The following FTCD variants were observed in gnomAD, a reference collection of about 807,000 sequenced individuals.
The protein encoded by FTCD is formimidoyltransferase-cyclodeaminase.
FTCD carries 76 observed loss-of-function variants against 62.9 expected under a neutral mutation model. The observed-to-expected ratio is 1.21, with a 90% CI of 1.00 to 1.46. The LOEUF (loss-of-function observed/expected upper bound fraction) is 1.46. FTCD is among the 40% of genes most tolerant of loss of function. FTCD has a pLI of 0.00. For missense variants in FTCD, 845 were observed against 751.3 expected (o/e 1.12, Z -1.46); for synonymous variants, 397 against 336.9 (o/e 1.18, Z -1.95).
rs772534306 is a variant in FTCD at position 46,154,304 on chromosome 21, G to C, written c.83C>G (p.Thr28Arg). 12 of 1,611,352 alleles carry C rather than the reference G, an allele frequency of 7.4e-6. No homozygotes were observed. The South Asian group carries it at 1.3e-4, about 18-fold the overall frequency. The change falls in exon 2 of 14, where the codon ACA (threonine) becomes AGA (arginine). Residue 28 changes from threonine to arginine, a missense_variant. Coordinates refer to ENST00000397746, the MANE Select transcript of FTCD (RefSeq NM_206965.2). ...CAGCAGCACGCAGCCCGGGGTCTGT[G>C]TGATGGCTCCAGAGATGGCGTCGAT... is the stretch of plus-strand genomic sequence containing the variant. ...EVIDAISGAITQTPGCVLLDV... is the reference protein window; with the variant it reads ...EVIDAISGAIRQTPGCVLLDV...
chr21:46,136,467 G>A (rs371642203), downstream of FTCD: 138 of 1,612,540 alleles, frequency 8.6e-5, no homozygotes, highest in Non-Finnish European at 1.0e-4. Context: ...TCCTTCCAGC[G>A]TCGAAGGTCC....
At chr21:46,138,702 A>G in intron 11 of FTCD, 56 bp from the exon 12 acceptor site, 5 of 1,550,556 alleles carry the variant, frequency 3.2e-6, no homozygotes, top group Non-Finnish European at 3.5e-6. Flanking sequence ...CAGGCAGTGG[A>G]CACACTGCAC....
intron 10 of FTCD, chr21:46,142,620 G>C (rs1208209659): frequency 6.6e-6 from 1 of 152,272 alleles, no homozygotes; most frequent in African/African-American, 2.4e-5. Flanking sequence ...AGGTAGCGAA[G>C]GCCCAAAGAG....
In FTCD at chr21:46,145,932, C is replaced by T. The variant is rs982953507; in HGVS notation, c.984G>A (p.Glu328=). The T allele has an allele frequency of 1.1e-5, 17 of 1,504,820 alleles. No homozygotes were observed. In the African/African-American group the frequency reaches 1.9e-4, roughly 17 times the overall value. 93.2% of individuals were successfully genotyped at this position (1,504,820 alleles called of 1,614,324 possible). A position where few individuals can be genotyped will look rare whatever the true frequency, so the allele number is the denominator to read the frequency against. The stretch of plus-strand genomic sequence containing the variant: ...TGCCCAGGCCTCGCTCAGGCCCGCG[C>T]TCAGGGACCAGGTACCTGCAGGGTG... ...KERIIEYLVP[E]RGPERGLGSK... is the part of the protein sequence containing the mutation. Residue 328 remains glutamate (E), a synonymous_variant, in exon 9 of 14, where the codon GAG becomes GAA. Coordinates refer to ENST00000397746, the MANE Select transcript of FTCD (RefSeq NM_206965.2).
chr21:46,152,210 G>A (rs1568983677), intron 3 of FTCD: 1 of 525,920 alleles, frequency 1.9e-6, no homozygotes, highest in African/African-American at 1.9e-5. Flanking sequence ...CCCTGAAAAG[G>A]CGAATTGCAG....
intron 10 of FTCD, among the ~76,000 whole-genome samples, chr21:46,140,927 C>G (rs944684236): frequency 5.3e-5 from 8 of 152,080 alleles, no homozygotes; most frequent in Admixed American, 4.6e-4. Flanking sequence ...TCCACCTTCA[C>G]GTGGCTCACA....
intron 10 of FTCD, chr21:46,142,514 C>CT (rs2079040745): frequency 6.6e-6 from 1 of 152,284 alleles, no homozygotes; most frequent in African/African-American, 2.4e-5. Flanking sequence ...ACAGGTGGCG[C>CT]GTAGCACAGC....
At chr21:46,143,162 C>T (rs1347566132) in intron 10 of FTCD, among the ~76,000 whole-genome samples, 1 of 152,150 alleles carries the variant, frequency 6.6e-6, no homozygotes, top group Non-Finnish European at 1.5e-5. Context: ...GCATTTGGGG[C>T]CTGCCTTTCT....
intron 9 of FTCD, 107 bp downstream of exon 9, chr21:46,145,711 C>A (rs1403552437): frequency 1.2e-4 from 50 of 406,652 alleles, no homozygotes; most frequent in Non-Finnish European, 6.7e-5. Context: ...CCCAGGGCGG[C>A]CCCACCGCGC....
intron 10 of FTCD, among the ~76,000 whole-genome samples, chr21:46,140,012 G>C (rs1481361955): frequency 2.0e-5 from 3 of 152,344 alleles, no homozygotes; most frequent in Admixed American, 2.0e-4. Flanking sequence ...TTATCGTGAG[G>C]CTTGGTTGTG....
intron 10 of FTCD, among the ~76,000 whole-genome samples, chr21:46,141,303 ATTTT>A (rs56201328): frequency 7.0e-6 from 1 of 142,706 alleles, no homozygotes; most frequent in Non-Finnish European, 1.5e-5. Flanking sequence ...GCCTGGCTTT[ATTTT>A]TTTTTTTTCT....
intron 10 of FTCD, chr21:46,142,574 G>C (rs1467208792): frequency 6.6e-6 from 1 of 152,300 alleles, no homozygotes. Flanking sequence ...GAGGAGTGAA[G>C]CTACACACCT....
At chr21:46,140,794 G>T (rs1161234145) in intron 10 of FTCD, among the ~76,000 whole-genome samples, 1 of 149,024 alleles carries the variant, frequency 6.7e-6, no homozygotes, top group Non-Finnish European at 1.5e-5. Context: ...CACAGGGAGC[G>T]TAAACCAATC....
intron 10 of FTCD, among the ~76,000 whole-genome samples, chr21:46,143,621 G>A (rs899287572): frequency 6.6e-6 from 1 of 152,134 alleles, no homozygotes; most frequent in South Asian, 2.1e-4. Context: ...GAAGGGGCAC[G>A]CTAAAAAGTG....
chr21:46,154,203 C>T lies in FTCD; in HGVS notation c.184G>A (p.Ala62Thr). The change falls in exon 2 of 14, where the codon GCC becomes ACC. Residue 62 changes from alanine (A) to threonine (T), a missense_variant. Coordinates refer to ENST00000397746, the MANE Select transcript of FTCD (RefSeq NM_206965.2). ...GAAGCTACCCGGGCAGCGTTGAGGG[C>T]CCCCTCCACCACGCACTCCGGCGGC... ...VGPPECVVEG[A>T]LNAARVASRL... 1.9e-6 allele frequency: 3 copies of T among 1,612,812 alleles called. No individual in the cohort carries two copies. Among genetic ancestry groups the T allele is most frequent in the Non-Finnish European group, 2.5e-6 (3 of 1,179,944 alleles).
chr21:46,145,450 C>G lies in FTCD; in HGVS notation c.1227G>C (p.Val409=), dbSNP rs1434880241. The stretch of plus-strand genomic sequence containing the variant: ...CGGTGAAGGCCTCGGCGTCGGCATC[C>G]ACCAGCGTGGTTAGCTTGGCCGAAG... ...REASAKLTTL[V]DADAEAFTAY... Residue 409 remains valine (V), a synonymous_variant, in exon 10 of 14, where the codon GTG becomes GTC. Transcript: ENST00000397746. 2 of 1,559,942 alleles carry G rather than the reference C, an allele frequency of 1.3e-6. No homozygotes were observed. Among genetic ancestry groups the G allele is most frequent in the Non-Finnish European group, 1.7e-6 (2 of 1,152,970 alleles).
intron 1 of FTCD, among the ~76,000 whole-genome samples, chr21:46,154,593 C>T (rs112195250): frequency 0.02 from 3,099 of 152,356 alleles, 46 homozygotes; most frequent in Middle Eastern, 0.051. Flanking sequence ...GAGAGACTCA[C>T]GGGCTCTGCT....
intron 10 of FTCD, among the ~76,000 whole-genome samples, chr21:46,144,909 C>A (rs1336516908): frequency 6.6e-6 from 1 of 151,148 alleles, no homozygotes; most frequent in Non-Finnish European, 1.5e-5. Context: ...TGTTCCTGTC[C>A]CGTTTGGAGG....
At position 46,138,560 on chromosome 21, in the gene FTCD, G is replaced by A. The variant is rs188377424; in HGVS notation, c.1391C>T (p.Ala464Val). ...CCCACACCGGGCCAGTTCCTGCAGG[G>A]CCGGCCACAGCGAGGCCACCGTCTC... ...LAETVASLWP[A>V]LQELARCGNL... is the part of the protein sequence containing the mutation. The change falls in exon 12 of 14, where the codon GCC becomes GTC. Residue 464 changes from alanine (A) to valine (V), a missense_variant. Ala to Val is a moderately conservative substitution (Grantham distance 64, BLOSUM62 0). Transcript: ENST00000397746. 305 of 1,585,336 alleles carry A rather than the reference G, an allele frequency of 1.9e-4. No individual in the cohort carries two copies. The highest frequency in any genetic ancestry group is 4.2e-4 in the Admixed American group (24 of 57,150).
Sources: gnomAD v4.1 joint callset for allele counts (sites outside exome capture counted in the v4.1 genomes callset) on GRCh38, gnomAD v4.1.1 for gene constraint, MANE v1.5 for transcripts, NCBI Gene and HGNC (gene_info 2026-07-23, HGNC 2026-07-21) for gene names.